Variants in KARS1 observed in about 807,000 individuals in gnomAD.
KARS1 encodes the protein lysine--tRNA ligase.
A neutral mutation model predicts 63.9 loss-of-function variants in KARS1; 50 were observed. The ratio of observed to expected loss-of-function variants is 0.78; its 90% CI spans 0.62 to 0.99. The LOEUF (loss-of-function observed/expected upper bound fraction) is 0.99, where lower values mean the gene tolerates loss of function less well. KARS1 is among the 50% of genes least tolerant of loss of function. The pLI, the probability that KARS1 is intolerant of heterozygous loss-of-function variation, is 0.00. For synonymous variants in KARS1, 320 were observed against 264.6 expected, an observed-to-expected ratio of 1.21 and a Z score of -2.03; for missense variants, 816 against 754.5, an observed-to-expected ratio of 1.08 and a Z score of -0.95.
chr16:75,631,330 G>A, intron 9 of KARS1, 77 bp from the exon 10 acceptor site: 2 of 1,320,010 alleles, frequency 1.5e-6, no homozygotes, highest in Non-Finnish European at 1.9e-6. Flanking sequence ...AGAATAGTGT[G>A]GGAAATTCTA....
intron 1 of KARS1, among the ~76,000 whole-genome samples, chr16:75,645,802 G>A (rs900776796): frequency 9.7e-5 from 13 of 133,602 alleles, no homozygotes; most frequent in African/African-American, 3.1e-4. Context: ...GGCTGAAATC[G>A]CACCGCTGCA....
At position 75,629,493 on chromosome 16, in the gene KARS1, C is replaced by T; in HGVS notation, c.1473G>A (p.Met491Ile). The change falls in exon 12 of 14, where the codon ATG becomes ATA. Residue 491 changes from methionine to isoleucine, a missense_variant. Physicochemically the swap from Met to Ile is conservative, Grantham distance 10. Transcript: ENST00000302445. ...GLTERFELFVMKKEICNAYTE... is the reference protein window; with the variant it reads ...GLTERFELFVIKKEICNAYTE... ...TATACGCATTGCATATCTCTTTCTT[C>T]ATGACAAACAGCTCAAAGCGCTCAG... 1 of 1,614,218 alleles carries T rather than the reference C, an allele frequency of 6.2e-7. No individual in the cohort carries two copies. Among genetic ancestry groups the T allele is most frequent in the Non-Finnish European group, 8.5e-7 (1 of 1,180,018 alleles).
At chr16:75,642,594 TAAGG>T (rs1052708609) in intron 1 of KARS1, among the ~76,000 whole-genome samples, 3 of 152,026 alleles carry the variant, frequency 2.0e-5, no homozygotes, top group African/African-American at 7.2e-5. Context: ...AGGATGATAG[TAAGG>T]AAGAGCCGGC....
chr16:75,632,207 G>GGGCCCGGCCC (rs2082122166), intron 7 of KARS1, among the ~76,000 whole-genome samples: 2 of 152,114 alleles, frequency 1.3e-5, no homozygotes, highest in Admixed American at 1.3e-4. Flanking sequence ...AGCTAATCTT[G>GGGCCCGGCCC]TATTAACAGC....
At position 75,635,742 on chromosome 16, in the gene KARS1, T is replaced by C. The variant is rs1301656034; in HGVS notation, c.733A>G (p.Ile245Val). Residue 245 changes from isoleucine (I) to valine (V), a missense_variant, in exon 6 of 14, where the codon ATC becomes GTC. Ile to Val is a conservative substitution (Grantham distance 29). Transcript: ENST00000302445. ...ILNDFVRQKFIIRSKIITYIR... is the reference protein window; with the variant it reads ...ILNDFVRQKFVIRSKIITYIR... ...TATGTGATGATCTTAGAGCGGATGA[T>C]AAATTTCTGCCTCACAAAGTCATTC... 8.1e-6 allele frequency: 13 copies of C among 1,614,054 alleles called. No individual in the cohort carries two copies. The highest frequency in any genetic ancestry group is 1.0e-5 in the Non-Finnish European group (12 of 1,179,996).
intron 12 of KARS1, chr16:75,629,037 T>G (rs892148195): frequency 1.1e-5 from 5 of 468,580 alleles, no homozygotes; most frequent in Non-Finnish European, 1.6e-5. Context: ...TCCCATTTCC[T>G]GAAAACAGCC....
In KARS1 at chr16:75,627,747, GA is replaced by G; in HGVS notation, c.*147del. On this transcript the variant is annotated 3_prime_UTR_variant, in exon 14 of 14. Transcript: ENST00000302445. ...GCTTATTTGGTAACAGGATTAAAAA[GA>G]AATTTTTAATTCCTTGTCTCTCTTC... The G allele has an allele frequency of 1.5e-6, 1 of 676,898 alleles. No homozygotes were observed. The highest frequency in any genetic ancestry group is 2.7e-5 in the East Asian group (1 of 36,756). The allele number at this position is 676,898 out of a possible 1,614,324, so 41.9% of individuals were successfully genotyped here.
Position 75,640,367 on chromosome 16 carries a change from A to AT in KARS1, c.223-19_223-18insA. On this transcript the variant is annotated intron_variant, in intron 2 of 13. Coordinates refer to ENST00000302445, the MANE Select transcript of KARS1 (RefSeq NM_005548.3). Reference sequence around the variant, plus strand: ...TAGTATTGCTGTTAAAAAAAAAAAAAAAAAAGCCCTTCAGAAGTTGAACCT... The same window carrying AT: ...TAGTATTGCTGTTAAAAAAAAAAAAATAAAAAGCCCTTCAGAAGTTGAACCT... 6.2e-7 allele frequency: 1 copy of AT among 1,613,048 alleles called. No homozygotes were observed. The highest frequency in any genetic ancestry group is 8.5e-7 in the Non-Finnish European group (1 of 1,179,886).
At chr16:75,647,047 C>G (rs1179344581) in intron 1 of KARS1, among the ~76,000 whole-genome samples, 2 of 152,166 alleles carry the variant, frequency 1.3e-5, no homozygotes, top group Non-Finnish European at 2.9e-5. Flanking sequence ...ACGTTGATCA[C>G]TTAATACTCA....
chr16:75,636,482 C>A lies in KARS1; in HGVS notation c.454G>T (p.Val152Leu), dbSNP rs773213898. 2.5e-6 allele frequency: 4 copies of A among 1,612,866 alleles called. No individual in the cohort carries two copies. Among genetic ancestry groups the A allele is most frequent in the South Asian group, 1.1e-5 (1 of 91,068 alleles). ...GAATTGGCCATGACTTGCAACTTCA[C>A]CCCCTCTCCTCGAAGATCATAGAAG... ...LIFYDLRGEG[V>L]KLQVMANSRN... The change falls in exon 4 of 14, where the codon GTG (valine) becomes TTG (leucine). Residue 152 changes from valine (V) to leucine (L), a missense_variant. Coordinates refer to ENST00000302445, the MANE Select transcript of KARS1 (RefSeq NM_005548.3).
chr16:75,635,199 G>C, intron 6 of KARS1: 1 of 196,924 alleles, frequency 5.1e-6, no homozygotes, highest in Non-Finnish European at 1.1e-5. Context: ...TTACATATGT[G>C]CACTCCATCT....
At chr16:75,628,300 C>T (rs1337243970) in intron 13 of KARS1, among the ~76,000 whole-genome samples, 1 of 152,180 alleles carries the variant, frequency 6.6e-6, no homozygotes, top group Non-Finnish European at 1.5e-5. Flanking sequence ...ATAAGGCTGA[C>T]TTAATTAGCT....
intron 2 of KARS1, among the ~76,000 whole-genome samples, chr16:75,640,869 C>A (rs949077637): frequency 3.3e-5 from 5 of 152,150 alleles, no homozygotes; most frequent in Admixed American, 3.3e-4. Context: ...AATACGTAAA[C>A]AAATGAGCAC....
At chr16:75,630,627 T>TTTA (rs145525565) in intron 10 of KARS1, 119 bp from the exon 11 acceptor site, 376 of 381,886 alleles carry the variant, frequency 9.8e-4, no homozygotes, top group East Asian at 3.2e-3. Context: ...TTTTTATTTA[T>TTTA]TTATTATTAT....
chr16:75,645,797 A>C (rs2082274767), intron 1 of KARS1, among the ~76,000 whole-genome samples: 1 of 150,468 alleles, frequency 6.6e-6, no homozygotes, highest in Admixed American at 6.7e-5. Context: ...CCGTGGGCTG[A>C]AATCGCACCG....
At position 75,639,370 on chromosome 16, in the gene KARS1, G is replaced by A. The variant is rs1034352377; in HGVS notation, c.388+814C>T. On this transcript the variant is annotated intron_variant, in intron 3 of 13. Coordinates refer to ENST00000302445, the MANE Select transcript of KARS1 (RefSeq NM_005548.3). ...GTGGATCACCTGAGGTCAGGAGTTC[G>A]AGACCAGCCTGGTCAATATGGCGAA... is the stretch of plus-strand genomic sequence containing the variant. Among the ~76,000 whole-genome samples, 4 of 150,846 alleles carry A rather than the reference G, an allele frequency of 2.7e-5. No homozygotes were observed. The East Asian group carries it at 5.9e-4, about 22-fold the overall frequency.
At chr16:75,634,374 T>G (rs750161496) in intron 6 of KARS1, 82 bp from the exon 7 acceptor site, 221 of 1,429,940 alleles carry the variant, frequency 1.5e-4, no homozygotes, top group Non-Finnish European at 1.8e-4. Context: ...TAATATAGTC[T>G]AAGCCTGTTA....
At chr16:75,635,398 A>C (rs113335212) in intron 6 of KARS1, 2 of 353,762 alleles carry the variant, frequency 5.7e-6, no homozygotes, top group African/African-American at 6.0e-5. Flanking sequence ...TAATCAAAAA[A>C]TATTTCTTAA....
At chr16:75,629,137 T>C (rs1432771116) in intron 12 of KARS1, 10 of 493,744 alleles carry the variant, frequency 2.0e-5, no homozygotes, top group Admixed American at 3.3e-5. Context: ...CCTTAATACA[T>C]GTACAATCTA....
Sources: gnomAD v4.1 joint callset for allele counts (sites outside exome capture counted in the v4.1 genomes callset) on GRCh38, gnomAD v4.1.1 for gene constraint, MANE v1.5 for transcripts, NCBI Gene and HGNC (gene_info 2026-07-23, HGNC 2026-07-21) for gene names.